Variants in GRID2IP observed in about 807,000 individuals in gnomAD.
The protein encoded by GRID2IP is delphilin.
In GRID2IP, 78 loss-of-function variants were observed where a neutral mutation model predicts 114.3. That is an observed-to-expected ratio of 0.68 (90% CI 0.57 to 0.82). The LOEUF is 0.82. GRID2IP is among the 40% of genes least tolerant of loss of function. GRID2IP has a pLI of 0.00. For missense variants in GRID2IP, 1,727 were observed against 1,678.5 expected (o/e 1.03, Z -0.51); for synonymous variants, 809 against 724.0 (o/e 1.12, Z -1.89).
intron 2 of GRID2IP, among the ~76,000 whole-genome samples, chr7:6,537,439 G>A (rs1337590244): frequency 7.6e-6 from 1 of 131,318 alleles, no homozygotes; most frequent in Admixed American, 9.2e-5. Context: ...GTGCAGTGTC[G>A]TGATCTCAGC....
chr7:6,547,061 A>G (rs1002910597), intron 1 of GRID2IP, among the ~76,000 whole-genome samples: 3 of 152,150 alleles, frequency 2.0e-5, no homozygotes, highest in African/African-American at 7.2e-5. Context: ...TGCTGTTCTA[A>G]GAGGAGATGC....
At position 6,528,055 on chromosome 7, in the gene GRID2IP, A is replaced by ATT. The variant is rs938593640; in HGVS notation, c.585-1288_585-1287dup. Among the ~76,000 whole-genome samples the ATT allele has an allele frequency of 6.7e-6, 1 of 148,868 alleles. No individual in the cohort carries two copies. Among genetic ancestry groups the ATT allele is most frequent in the Non-Finnish European group, 1.5e-5 (1 of 67,070 alleles). On this transcript the variant is annotated intron_variant, in intron 2 of 21. Coordinates refer to ENST00000457091, the MANE Select transcript of GRID2IP (RefSeq NM_001145118.2). The surrounding 1 kb of genome is among the most constrained non-coding windows in gnomAD (Gnocchi z 6.0). ...TTAGACGTGAGCCACTGTGCCCGGC[A>ATT]TTTTTTTTTCTTTTTAATTTTTTTT...
At chr7:6,550,067 T>G (rs1470616036) in intron 1 of GRID2IP, among the ~76,000 whole-genome samples, 1 of 152,128 alleles carries the variant, frequency 6.6e-6, no homozygotes. Context: ...CATGGCTCAC[T>G]GCAGCCTCAA....
chr7:6,505,128 T>G (rs1786539197), intron 14 of GRID2IP, among the ~76,000 whole-genome samples: 1 of 152,096 alleles, frequency 6.6e-6, no homozygotes, highest in African/African-American at 2.4e-5. Flanking sequence ...GGACCGCCTG[T>G]TCCACCCATC....
intron 4 of GRID2IP, among the ~76,000 whole-genome samples, chr7:6,522,166 A>G (rs1300520556): frequency 1.1e-4 from 17 of 152,160 alleles, no homozygotes; most frequent in Non-Finnish European, 2.1e-4. Flanking sequence ...CTTGGGCAAC[A>G]TAGCGAGACC....
At position 6,510,265 on chromosome 7, in the gene GRID2IP, C is replaced by T. The variant is rs1363240473; in HGVS notation, c.1771+18G>A. The T allele has an allele frequency of 5.4e-6, 8 of 1,487,576 alleles. No homozygotes were observed. The highest frequency in any genetic ancestry group is 7.3e-6 in the Non-Finnish European group (8 of 1,096,984). The allele number at this position is 1,487,576 out of a possible 1,614,324, so 92.1% of individuals were successfully genotyped here. On this transcript the variant is annotated intron_variant, in intron 11 of 21. Coordinates refer to ENST00000457091, the MANE Select transcript of GRID2IP (RefSeq NM_001145118.2). ...AGGGAAACACCCAGACAGTAGATGA[C>T]AGAGGCTGGAGCCCTACCTGTGGTG... is the stretch of plus-strand genomic sequence containing the variant.
At chr7:6,500,710 G>A (rs1050772509) in intron 20 of GRID2IP, among the ~76,000 whole-genome samples, 1 of 152,232 alleles carries the variant, frequency 6.6e-6, no homozygotes, top group Non-Finnish European at 1.5e-5. Context: ...AGCCCCCAGA[G>A]CTCTCCCCCT....
At position 6,508,454 on chromosome 7, in the gene GRID2IP, A is replaced by G. The variant is rs1053096680; in HGVS notation, c.2128-53T>C. ...GGGTGAGGCTGGGCCCAGAGAGACTAGAGCAGGTGCAAAGTGAAGGATCAT... is the reference window on the plus strand; with the variant it reads ...GGGTGAGGCTGGGCCCAGAGAGACTGGAGCAGGTGCAAAGTGAAGGATCAT... On this transcript the variant is annotated intron_variant, in intron 12 of 21. Coordinates refer to ENST00000457091, the MANE Select transcript of GRID2IP (RefSeq NM_001145118.2). This position sits in a 1 kb window ranked among gnomAD's most constrained non-coding sequence, Gnocchi z 5.6. The G allele has an allele frequency of 6.5e-7, 1 of 1,548,224 alleles. No homozygotes were observed. Among genetic ancestry groups the G allele is most frequent in the Non-Finnish European group, 8.7e-7 (1 of 1,146,092 alleles).
At chr7:6,540,058 TCTTCCTTCCTCC>T (rs1047622970) in intron 1 of GRID2IP, among the ~76,000 whole-genome samples, 186 bp from the exon 2 acceptor site, 3 of 151,332 alleles carry the variant, frequency 2.0e-5, no homozygotes, top group African/African-American at 7.3e-5. Context: ...TTCCTTCCTT[TCTTCCTTCCTCC>T]CTTCCTTCTT....
intron 7 of GRID2IP, among the ~76,000 whole-genome samples, chr7:6,517,179 C>CA (rs1779323651): frequency 6.6e-6 from 1 of 151,864 alleles, no homozygotes; most frequent in Non-Finnish European, 1.5e-5. Context: ...CTCAGCCTCC[C>CA]GAGTAGCTGG....
At position 6,508,601 on chromosome 7, in the gene GRID2IP, G is replaced by A. The variant is rs1183242910; in HGVS notation, c.2128-200C>T. On this transcript the variant is annotated intron_variant, in intron 12 of 21. Coordinates refer to ENST00000457091, the MANE Select transcript of GRID2IP (RefSeq NM_001145118.2). This position sits in a 1 kb window ranked among gnomAD's most constrained non-coding sequence, Gnocchi z 5.6. ...TCAGGCTGTGAGGGGGATAGCCTGG[G>A]CTAAGGATAGGACCCTCTCATGGGT... is the stretch of plus-strand genomic sequence containing the variant. Among the ~76,000 whole-genome samples, 1 of 148,802 alleles carries A rather than the reference G, an allele frequency of 6.7e-6. No homozygotes were observed. The highest frequency in any genetic ancestry group is 1.9e-4 in the East Asian group (1 of 5,178).
intron 2 of GRID2IP, among the ~76,000 whole-genome samples, chr7:6,535,035 G>A (rs538024877): frequency 6.6e-6 from 1 of 152,320 alleles, no homozygotes; most frequent in Admixed American, 6.5e-5. Flanking sequence ...ACAGGCATGC[G>A]CCACCACCCC....
rs1382441570 is a variant in GRID2IP at position 6,539,883 on chromosome 7, G to A, written c.430-11C>T. ...CAAGATTTCATCCACCTGCAAGGAGGAGTCCTGTGAATGACCAAAAGGGAT... is the reference window on the plus strand; with the variant it reads ...CAAGATTTCATCCACCTGCAAGGAGAAGTCCTGTGAATGACCAAAAGGGAT... On this transcript the variant is annotated splice_polypyrimidine_tract_variant and intron_variant, in intron 1 of 21. Transcript: ENST00000457091. 1 of 1,548,902 alleles carries A rather than the reference G, an allele frequency of 6.5e-7. No homozygotes were observed. Among genetic ancestry groups the A allele is most frequent in the African/African-American group, 1.4e-5 (1 of 73,004 alleles).
chr7:6,535,877 C>A (rs1418831013), intron 2 of GRID2IP, among the ~76,000 whole-genome samples: 2 of 152,098 alleles, frequency 1.3e-5, no homozygotes, highest in Non-Finnish European at 2.9e-5. Flanking sequence ...CCCATCCGAA[C>A]TCTCCTTGGG....
chr7:6,504,959 A>G (rs1200732224), intron 14 of GRID2IP, 89 bp from the exon 15 acceptor site: 2 of 1,004,964 alleles, frequency 2.0e-6, no homozygotes, highest in African/African-American at 3.2e-5. Context: ...GCCAACAGCC[A>G]CTATCCCCCT....
Position 6,520,911 on chromosome 7 carries a change from C to G in GRID2IP, c.1085-150G>C. The G allele has an allele frequency of 1.4e-6, 1 of 732,672 alleles. No individual in the cohort carries two copies. The highest frequency in any genetic ancestry group is 2.2e-6 in the Non-Finnish European group (1 of 452,722). The allele number at this position is 732,672 out of a possible 1,614,324, so 45.4% of individuals were successfully genotyped here. On this transcript the variant is annotated intron_variant, in intron 6 of 21. Transcript: ENST00000457091. This position sits in a 1 kb window ranked among gnomAD's most constrained non-coding sequence, Gnocchi z 4.6. ...GGAAGGCATGCCTGTGGCCCGACAC[C>G]GGGGCCAAGGATAGAGGGAGTCAGC...
intron 1 of GRID2IP, among the ~76,000 whole-genome samples, chr7:6,542,078 G>C (rs1779821773): frequency 6.6e-6 from 1 of 152,082 alleles, no homozygotes; most frequent in Admixed American, 6.6e-5. Context: ...AAGGGGGGCG[G>C]ATCATCTGAG....
In GRID2IP at chr7:6,523,507, A is replaced by G. The variant is rs1779451496; in HGVS notation, c.920-1550T>C. Among the ~76,000 whole-genome samples, 1 of 152,152 alleles carries G rather than the reference A, an allele frequency of 6.6e-6. No individual in the cohort carries two copies. The highest frequency in any genetic ancestry group is 2.4e-5 in the African/African-American group (1 of 41,428). On this transcript the variant is annotated intron_variant, in intron 4 of 21. Coordinates refer to ENST00000457091, the MANE Select transcript of GRID2IP (RefSeq NM_001145118.2). The surrounding 1 kb of genome is among the most constrained non-coding windows in gnomAD (Gnocchi z 4.5). ...CATCTAAGCATCCATTTGGCTTCCT[A>G]TGACAGGAAAGGCATGGGATCACTG...
rs149387100 is a variant in GRID2IP, at chr7:6,497,131, C to G, written c.*643G>C. ...TATTCCACTCCCAGGCTCCCCACTT[C>G]CAATTGGGCCACCTCTACACAGGTT... On this transcript the variant is annotated 3_prime_UTR_variant, in exon 22 of 22. Coordinates refer to ENST00000457091, the MANE Select transcript of GRID2IP (RefSeq NM_001145118.2). Among the ~76,000 whole-genome samples the G allele has an allele frequency of 7.2e-5, 11 of 152,250 alleles. No individual in the cohort carries two copies. The East Asian group carries it at 1.9e-3, about 27-fold the overall frequency.
Sources: gnomAD v4.1 joint callset for allele counts (sites outside exome capture counted in the v4.1 genomes callset) on GRCh38, gnomAD v4.1.1 for gene constraint, Gnocchi (gnomAD v3.1) non-coding constraint, MANE v1.5 for transcripts, NCBI Gene and HGNC (gene_info 2026-07-23, HGNC 2026-07-21) for gene names.